The following SYCP1 variants were observed in gnomAD, a reference collection of about 807,000 sequenced individuals.
SYCP1 encodes the protein cancer/testis antigen 8.
Under a neutral mutation model 153.1 loss-of-function variants are expected in SYCP1, and 64 were observed. That is an observed-to-expected ratio of 0.42 (90% CI 0.34 to 0.51). The LOEUF is 0.51. Ranked by LOEUF, SYCP1 falls within the 20% of genes least tolerant of loss-of-function variation. The pLI, the probability that SYCP1 is intolerant of heterozygous loss-of-function variation, is 0.06. For synonymous variants in SYCP1, 384 were observed against 341.8 expected (o/e 1.12, Z -1.36); for missense variants, 997 against 1,049.0 (o/e 0.95, Z 0.68).
At chr1:114,898,639 A>G (rs1283069556) in intron 16 of SYCP1, among the ~76,000 whole-genome samples, 1 of 152,158 alleles carries the variant, frequency 6.6e-6, no homozygotes, top group Non-Finnish European at 1.5e-5. Flanking sequence ...TTTGAAACAT[A>G]ATTTCTCTCT....
intron 27 of SYCP1, among the ~76,000 whole-genome samples, chr1:114,967,776 T>C (rs1472953231): frequency 1.3e-5 from 2 of 152,222 alleles, no homozygotes; most frequent in Non-Finnish European, 2.9e-5. Flanking sequence ...CTTCATAGTG[T>C]TGATGGTCTT....
intron 27 of SYCP1, among the ~76,000 whole-genome samples, chr1:114,949,650 C>A (rs1670963504): frequency 6.6e-6 from 1 of 152,136 alleles, no homozygotes; most frequent in Non-Finnish European, 1.5e-5. Context: ...TCAATCCCTT[C>A]CCTATACTGT....
At chr1:114,915,057 CA>C (rs1355851611) in intron 20 of SYCP1, among the ~76,000 whole-genome samples, 1 of 143,192 alleles carries the variant, frequency 7.0e-6, no homozygotes, top group Admixed American at 7.0e-5. Flanking sequence ...ATGTTTTAAT[CA>C]AAAAATTAAA....
In SYCP1 at chr1:114,981,489, A is replaced by G; in HGVS notation, c.2536A>G (p.Thr846Ala). The G allele has an allele frequency of 6.3e-7, 1 of 1,597,674 alleles. No homozygotes were observed. The highest frequency in any genetic ancestry group is 8.5e-7 in the Non-Finnish European group (1 of 1,175,514). ...CTATCTGTGGACATCTGCCAAAAATACTTTATCTACACCATTGCCAAAGGT... is the reference window on the plus strand; with the variant it reads ...CTATCTGTGGACATCTGCCAAAAATGCTTTATCTACACCATTGCCAAAGGT... ...RDYLWTSAKN[T>A]LSTPLPKAYT... is the part of the protein sequence containing the mutation. The change falls in exon 29 of 32, where the codon ACT (threonine) becomes GCT (alanine). Residue 846 changes from threonine to alanine, a missense_variant. Around this residue, in one of 2 missense-constraint regions of SYCP1, gnomAD observed 712 missense variants for 682.9 expected, o/e 1.04. Coordinates refer to ENST00000369522, the MANE Select transcript of SYCP1 (RefSeq NM_003176.4).
Position 114,857,233 on chromosome 1 carries a change from T to A in SYCP1, c.195T>A (p.Asp65Glu). ...LSKNGENIDSDPALQKVNFLP... is the reference protein window; with the variant it reads ...LSKNGENIDSEPALQKVNFLP... ...TACCTGTTGTCTTTTATCTTGCAGA[T>A]CCTGCTTTACAAAAAGTTAATTTCT... The change falls in exon 4 of 32, where the codon GAT becomes GAA. Residue 65 changes from aspartate (D) to glutamate (E), a missense_variant and splice_region_variant. By Grantham distance (45) the Asp-to-Glu change is conservative (BLOSUM62 2). Coordinates refer to ENST00000369522, the MANE Select transcript of SYCP1 (RefSeq NM_003176.4). The A allele has an allele frequency of 1.3e-6, 2 of 1,596,794 alleles. No homozygotes were observed. The highest frequency in any genetic ancestry group is 1.7e-6 in the Non-Finnish European group (2 of 1,170,822).
At chr1:114,885,914 G>T (rs1007379241) in intron 13 of SYCP1, among the ~76,000 whole-genome samples, 2 of 152,180 alleles carry the variant, frequency 1.3e-5, no homozygotes, top group Non-Finnish European at 2.9e-5. Flanking sequence ...GGCTAGGAAG[G>T]CTCCATGGAG....
chr1:114,966,011 C>A (rs927867047), intron 27 of SYCP1, among the ~76,000 whole-genome samples: 1 of 152,134 alleles, frequency 6.6e-6, no homozygotes, highest in African/African-American at 2.4e-5. Flanking sequence ...ATTACTGCCT[C>A]AATTTCAGAG....
At chr1:114,967,873 C>T (rs903667304) in intron 27 of SYCP1, among the ~76,000 whole-genome samples, 4 of 152,102 alleles carry the variant, frequency 2.6e-5, no homozygotes, top group Non-Finnish European at 4.4e-5. Context: ...GTAAGGCAGG[C>T]CTGGTGGTGA....
intron 29 of SYCP1, among the ~76,000 whole-genome samples, chr1:114,984,129 A>T (rs915774547): frequency 6.6e-6 from 1 of 151,814 alleles, no homozygotes; most frequent in Non-Finnish European, 1.5e-5. Context: ...TCTAGTTTTG[A>T]ACTGGCCTCA....
intron 6 of SYCP1, 149 bp downstream of exon 6, chr1:114,858,860 C>CT: frequency 1.5e-6 from 1 of 685,296 alleles, no homozygotes; most frequent in Non-Finnish European, 2.4e-6. Flanking sequence ...TACATCAATA[C>CT]TGGATACATT....
At chr1:114,895,006 C>T (rs922527650) in intron 15 of SYCP1, among the ~76,000 whole-genome samples, 2 of 150,502 alleles carry the variant, frequency 1.3e-5, no homozygotes, top group South Asian at 2.1e-4. Flanking sequence ...ATATTGGTAG[C>T]GTAAGGGCAG....
At chr1:114,944,612 A>T (rs1285527656) in intron 24 of SYCP1, among the ~76,000 whole-genome samples, 157 bp downstream of exon 24, 1 of 151,860 alleles carries the variant, frequency 6.6e-6, no homozygotes, top group Non-Finnish European at 1.5e-5. Flanking sequence ...GTTTTTATAG[A>T]AACTAAAAGT....
chr1:114,900,284 A>G (rs1667338610), intron 16 of SYCP1, among the ~76,000 whole-genome samples: 1 of 152,046 alleles, frequency 6.6e-6, no homozygotes, highest in Admixed American at 6.6e-5. Flanking sequence ...GCCTTCTTAT[A>G]ACATTTTTTT....
chr1:114,948,704 TG>T (rs151009741), intron 27 of SYCP1, among the ~76,000 whole-genome samples: 7,154 of 152,308 alleles, frequency 0.047, 210 homozygotes, highest in African/African-American at 0.06. Flanking sequence ...TATTTATCTT[TG>T]TTTTCCCTTT....
chr1:114,977,554 T>C lies in SYCP1; in HGVS notation c.2323-3T>C, dbSNP rs2101934942. ...ACTTGTACTTGATATTTATTTTTAATAGGAAAAACTCAAAAGAGAGGCAAA... is the reference window on the plus strand; with the variant it reads ...ACTTGTACTTGATATTTATTTTTAACAGGAAAAACTCAAAAGAGAGGCAAA... On this transcript the variant is annotated splice_region_variant and splice_polypyrimidine_tract_variant and intron_variant, in intron 27 of 31. Transcript: ENST00000369522. 1.4e-6 allele frequency: 2 copies of C among 1,441,358 alleles called. No homozygotes were observed. Among genetic ancestry groups the C allele is most frequent in the Non-Finnish European group, 1.9e-6 (2 of 1,075,648 alleles). The allele number at this position is 1,441,358 out of a possible 1,614,324, so 89.3% of individuals were successfully genotyped here. A position where few individuals can be genotyped will look rare whatever the true frequency, so the allele number is the denominator to read the frequency against.
At chr1:114,985,466 G>A (rs1673437534) in intron 30 of SYCP1, among the ~76,000 whole-genome samples, 2 of 151,900 alleles carry the variant, frequency 1.3e-5, no homozygotes, top group Admixed American at 6.6e-5. Flanking sequence ...GAATAATGAA[G>A]CTTAGATTCA....
chr1:114,944,229 C>A, intron 23 of SYCP1, 110 bp from the exon 24 acceptor site: 1 of 637,684 alleles, frequency 1.6e-6, no homozygotes, highest in Non-Finnish European at 2.7e-6. Context: ...AACCTAATTT[C>A]CATGAATAAG....
At chr1:114,895,582 C>A in intron 16 of SYCP1, 73 bp downstream of exon 16, 2 of 757,064 alleles carry the variant, frequency 2.6e-6, no homozygotes, top group South Asian at 2.6e-5. Flanking sequence ...AACTTATAGA[C>A]TCTCACACTA....
chr1:114,872,245 GCAACACATT>G (rs1412305557), intron 8 of SYCP1, among the ~76,000 whole-genome samples: 1 of 151,868 alleles, frequency 6.6e-6, no homozygotes, highest in Non-Finnish European at 1.5e-5. Flanking sequence ...AGGTCTGCTG[GCAACACATT>G]CTGTCAACTT....
Sources: allele counts gnomAD v4.1 joint callset (sites outside exome capture counted in the v4.1 genomes callset), GRCh38; gene constraint gnomAD v4.1.1; regional missense constraint gnomAD v4.1.1; transcripts MANE v1.5; gene names NCBI Gene and HGNC (gene_info 2026-07-23, HGNC 2026-07-21).